CENPW: variants seen among roughly 807,000 people sequenced by gnomAD.
The protein encoded by CENPW is centromere protein W.
Under a neutral mutation model 11.1 loss-of-function variants are expected in CENPW, and 3 were observed. The observed-to-expected ratio is 0.27, with a 90% CI of 0.12 to 0.70. The LOEUF (loss-of-function observed/expected upper bound fraction) is 0.70, where lower values mean the gene tolerates loss of function less well. Among genes scored for constraint, CENPW ranks in the 30% least tolerant of loss-of-function variants. The probability of loss-of-function intolerance (pLI) is 0.77; values close to 1 mark genes in which losing one functional copy is unlikely to be tolerated. For synonymous variants in CENPW, 38 were observed against 42.0 expected, an observed-to-expected ratio of 0.91 and a Z score of 0.37; for missense variants, 100 against 105.6, an observed-to-expected ratio of 0.95 and a Z score of 0.23.
chr6:126,409,963 G>T, the CENPW span, among the ~76,000 whole-genome samples: 5 of 151,656 alleles, frequency 3.3e-5, no homozygotes, highest in Non-Finnish European at 7.4e-5. Flanking sequence ...TATTCTGGTG[G>T]TTTTATATAT....
the CENPW span, among the ~76,000 whole-genome samples, chr6:126,446,610 C>T: frequency 2.0e-5 from 3 of 151,000 alleles, no homozygotes; most frequent in Admixed American, 2.0e-4. Flanking sequence ...CCAGAGGCTA[C>T]TGTGATGGGT....
downstream of CENPW, among the ~76,000 whole-genome samples, chr6:126,351,828 TG>T (rs2128290446): frequency 6.6e-6 from 1 of 152,182 alleles, no homozygotes; most frequent in African/African-American, 2.4e-5. Flanking sequence ...GAGATGGGTA[TG>T]AGACCTTAAG....
chr6:126,370,149 A>G, the CENPW span, among the ~76,000 whole-genome samples: 1 of 152,222 alleles, frequency 6.6e-6, no homozygotes, highest in African/African-American at 2.4e-5. Flanking sequence ...TTATACCAGT[A>G]CCATGATATG....
downstream of CENPW, among the ~76,000 whole-genome samples, chr6:126,352,321 C>T (rs1014608190): frequency 2.6e-5 from 4 of 152,006 alleles, no homozygotes; most frequent in South Asian, 2.1e-4. Context: ...TAATTCTTGC[C>T]CTAACCTCTG....
the CENPW span, among the ~76,000 whole-genome samples, chr6:126,363,110 A>G: frequency 6.6e-6 from 1 of 152,228 alleles, no homozygotes; most frequent in African/African-American, 2.4e-5. Flanking sequence ...ACCTAGAGAC[A>G]GTGTACTGCT....
At chr6:126,447,116 G>C in the CENPW span, among the ~76,000 whole-genome samples, 1 of 151,102 alleles carries the variant, frequency 6.6e-6, no homozygotes, top group East Asian at 2.0e-4. Flanking sequence ...TCAACCTTTT[G>C]TGTGCATAGA....
chr6:126,375,687 C>G, the CENPW span, among the ~76,000 whole-genome samples: 1 of 152,016 alleles, frequency 6.6e-6, no homozygotes, highest in Non-Finnish European at 1.5e-5. Flanking sequence ...TCCTATTTTA[C>G]TTCTTGCTCT....
the CENPW span, among the ~76,000 whole-genome samples, chr6:126,476,884 T>C: frequency 7.9e-5 from 12 of 152,134 alleles, no homozygotes; most frequent in Middle Eastern, 3.4e-3. Context: ...TAAAACCAGA[T>C]GGGTTAATGT....
At chr6:126,412,919 C>G in the CENPW span, among the ~76,000 whole-genome samples, 1 of 152,142 alleles carries the variant, frequency 6.6e-6, no homozygotes, top group Non-Finnish European at 1.5e-5. Context: ...AGCAATTGGT[C>G]AAGTCTCAAG....
chr6:126,341,132 A>G (rs924883590), intron 1 of CENPW, among the ~76,000 whole-genome samples: 2 of 152,136 alleles, frequency 1.3e-5, no homozygotes, highest in African/African-American at 4.8e-5. Flanking sequence ...CAATCAAACC[A>G]CTGTATAATA....
At chr6:126,450,074 T>C in the CENPW span, among the ~76,000 whole-genome samples, 1 of 151,264 alleles carries the variant, frequency 6.6e-6, no homozygotes, top group South Asian at 2.1e-4. Context: ...AGAAGATGCA[T>C]GAGTTTTGTA....
At chr6:126,352,725 T>A (rs1322522142), downstream of CENPW, among the ~76,000 whole-genome samples, 3 of 152,144 alleles carry the variant, frequency 2.0e-5, no homozygotes, top group Non-Finnish European at 4.4e-5. Context: ...TTTCATCTTA[T>A]CTGGTAGTCT....
At chr6:126,423,654 G>T in the CENPW span, among the ~76,000 whole-genome samples, 1 of 151,838 alleles carries the variant, frequency 6.6e-6, no homozygotes, top group South Asian at 2.1e-4. Flanking sequence ...CTTTTTGGGG[G>T]TGGGGCGGGG....
chr6:126,475,866 C>T, the CENPW span, among the ~76,000 whole-genome samples: 2 of 152,138 alleles, frequency 1.3e-5, no homozygotes, highest in East Asian at 3.9e-4. Flanking sequence ...CATCTTTATA[C>T]ATGGAATGCC....
At chr6:126,388,968 A>C in the CENPW span, among the ~76,000 whole-genome samples, 1 of 151,914 alleles carries the variant, frequency 6.6e-6, no homozygotes, top group Non-Finnish European at 1.5e-5. Context: ...AAGGGTTTCC[A>C]TAGATTTGAT....
At chr6:126,470,908 C>T in the CENPW span, among the ~76,000 whole-genome samples, 1 of 152,168 alleles carries the variant, frequency 6.6e-6, no homozygotes, top group Non-Finnish European at 1.5e-5. Context: ...AATGCCTGTA[C>T]CAGCATTATA....
At chr6:126,413,261 G>A in the CENPW span, among the ~76,000 whole-genome samples, 8 of 152,198 alleles carry the variant, frequency 5.3e-5, no homozygotes, top group East Asian at 1.5e-3. Flanking sequence ...AACGCAGAAA[G>A]AGATTCTTAA....
chr6:126,342,673 G>T (rs1780336375), intron 1 of CENPW, among the ~76,000 whole-genome samples: 1 of 151,982 alleles, frequency 6.6e-6, no homozygotes, highest in African/African-American at 2.4e-5. Context: ...TCCTTAGAAA[G>T]GATCAATCTT....
chr6:126,463,490 G>A, the CENPW span, among the ~76,000 whole-genome samples: 1 of 151,662 alleles, frequency 6.6e-6, no homozygotes, highest in Non-Finnish European at 1.5e-5. Context: ...GAAATAGAAA[G>A]CATAAAGACA....
Sources: gnomAD v4.1 joint callset for allele counts (sites outside exome capture counted in the v4.1 genomes callset) on GRCh38, gnomAD v4.1.1 for gene constraint, MANE v1.5 for transcripts, NCBI Gene and HGNC (gene_info 2026-07-23, HGNC 2026-07-21) for gene names.